IQCM: variants seen among roughly 807,000 people sequenced by gnomAD.
IQCM encodes IQ motif containing M.
IQCM carries 45 observed loss-of-function variants against 57.6 expected under a neutral mutation model. The ratio of observed to expected loss-of-function variants is 0.78; its 90% CI spans 0.62 to 1.00. The LOEUF is 1.00. Among genes scored for constraint, IQCM ranks in the 50% least tolerant of loss-of-function variants. The pLI is 0.00. For synonymous variants in IQCM, 148 were observed against 158.9 expected (o/e 0.93, Z 0.51); for missense variants, 468 against 511.6 (o/e 0.91, Z 0.82).
chr4:149,569,169 T>C (rs1297531513), intron 9 of IQCM, among the ~76,000 whole-genome samples: 1 of 152,200 alleles, frequency 6.6e-6, no homozygotes, highest in East Asian at 1.9e-4. Context: ...ATCATCATTG[T>C]TGCACAATAA....
intron 7 of IQCM, among the ~76,000 whole-genome samples, chr4:149,648,586 T>C (rs1758861366): frequency 6.6e-6 from 1 of 152,228 alleles, no homozygotes; most frequent in Non-Finnish European, 1.5e-5. Flanking sequence ...TCAAATGGTA[T>C]TTCTAGTTCT....
intron 2 of IQCM, among the ~76,000 whole-genome samples, chr4:149,760,270 A>G (rs1221705880): frequency 6.6e-6 from 1 of 152,192 alleles, no homozygotes; most frequent in Non-Finnish European, 1.5e-5. Flanking sequence ...TATACCAACA[A>G]GAAAGCCAAG....
intron 10 of IQCM, among the ~76,000 whole-genome samples, chr4:149,556,508 A>C (rs1749598696): frequency 6.6e-6 from 1 of 152,214 alleles, no homozygotes; most frequent in African/African-American, 2.4e-5. Context: ...ATAGACCTAT[A>C]AGAAGATATC....
At position 149,596,044 on chromosome 4, in the gene IQCM, T is replaced by C. The variant is rs1187454327; in HGVS notation, c.682-8047A>G. ...CTTATCTACCAGTCACTAGAGAAAA[T>C]TTCTTTAACCTTCACAAAAAATTAA... On this transcript the variant is annotated intron_variant, in intron 8 of 13. Transcript: ENST00000636793. Among the ~76,000 whole-genome samples the C allele has an allele frequency of 3.9e-5, 6 of 152,088 alleles. No homozygotes were observed. In the East Asian group the frequency reaches 5.8e-4, roughly 15 times the overall value.
chr4:149,371,679 A>C (rs1246162367), intron 13 of IQCM, among the ~76,000 whole-genome samples: 1 of 152,192 alleles, frequency 6.6e-6, no homozygotes, highest in African/African-American at 2.4e-5. Flanking sequence ...AATATGACCT[A>C]ACTGTCCCTG....
intron 10 of IQCM, among the ~76,000 whole-genome samples, chr4:149,557,375 T>C (rs1749693086): frequency 6.6e-6 from 1 of 152,196 alleles, no homozygotes; most frequent in Admixed American, 6.5e-5. Context: ...ATGTCCAATT[T>C]TGGGTAATTA....
chr4:149,667,744 A>G (rs1446051131), intron 7 of IQCM, among the ~76,000 whole-genome samples: 5 of 151,988 alleles, frequency 3.3e-5, no homozygotes, highest in Non-Finnish European at 7.4e-5. Context: ...AAATGACCTG[A>G]TGGAGCTGAA....
intron 12 of IQCM, among the ~76,000 whole-genome samples, chr4:149,450,552 T>C (rs1375548828): frequency 2.0e-5 from 3 of 151,688 alleles, no homozygotes; most frequent in South Asian, 2.1e-4. Flanking sequence ...GGTCAAAAGA[T>C]TTGAATAGAT....
chr4:149,357,016 G>A (rs1355211027), intron 13 of IQCM, among the ~76,000 whole-genome samples: 1 of 152,156 alleles, frequency 6.6e-6, no homozygotes, highest in Non-Finnish European at 1.5e-5. Flanking sequence ...AATTGTGAAT[G>A]GGAGTTCACT....
At chr4:149,573,525 G>A (rs971382082) in intron 9 of IQCM, among the ~76,000 whole-genome samples, 3 of 151,808 alleles carry the variant, frequency 2.0e-5, no homozygotes, top group South Asian at 2.1e-4. Flanking sequence ...ATAGGCTAGC[G>A]TTCACTGTGT....
At chr4:149,454,165 T>TAC (rs1274315113) in intron 12 of IQCM, among the ~76,000 whole-genome samples, 32 of 146,888 alleles carry the variant, frequency 2.2e-4, no homozygotes, top group African/African-American at 6.7e-4. Context: ...TATATATATA[T>TAC]ATACACACAC....
intron 12 of IQCM, among the ~76,000 whole-genome samples, chr4:149,535,082 A>C (rs1156886483): frequency 6.6e-6 from 1 of 152,084 alleles, no homozygotes; most frequent in East Asian, 1.9e-4. Context: ...AAAAATGTTC[A>C]TTACTAAATA....
intron 7 of IQCM, among the ~76,000 whole-genome samples, chr4:149,647,605 CT>C: frequency 6.6e-6 from 1 of 151,976 alleles, no homozygotes; most frequent in South Asian, 2.1e-4. Flanking sequence ...TTTTCTTATC[CT>C]TTTTCTTTTA....
intron 12 of IQCM, among the ~76,000 whole-genome samples, chr4:149,523,705 C>T (rs1171019351): frequency 6.6e-6 from 1 of 151,962 alleles, no homozygotes; most frequent in African/African-American, 2.4e-5. Flanking sequence ...AATTGATGAA[C>T]TGATTGGTTG....
chr4:149,781,849 T>G (rs1158102070), intron 2 of IQCM, among the ~76,000 whole-genome samples: 1 of 152,090 alleles, frequency 6.6e-6, no homozygotes, highest in African/African-American at 2.4e-5. Context: ...GAAAAGGTCA[T>G]GAAAAACCTC....
intron 12 of IQCM, among the ~76,000 whole-genome samples, chr4:149,477,821 G>C (rs1291303939): frequency 6.6e-6 from 1 of 152,056 alleles, no homozygotes; most frequent in Non-Finnish European, 1.5e-5. Context: ...GGGTATACTG[G>C]GGGGAAAAAT....
At chr4:149,442,964 AG>A (rs1205704566) in intron 12 of IQCM, among the ~76,000 whole-genome samples, 7 of 112,504 alleles carry the variant, frequency 6.2e-5, no homozygotes, top group African/African-American at 2.2e-4. Flanking sequence ...AGAGAGAGAG[AG>A]AGAGAGAGAG....
At chr4:149,407,897 T>G (rs1733097370) in intron 13 of IQCM, among the ~76,000 whole-genome samples, 2 of 152,162 alleles carry the variant, frequency 1.3e-5, no homozygotes, top group African/African-American at 4.8e-5. Context: ...AAAGGGTATT[T>G]CTATTTTTAG....
intron 12 of IQCM, among the ~76,000 whole-genome samples, chr4:149,475,739 A>T (rs535882924): frequency 5.3e-5 from 8 of 152,230 alleles, no homozygotes; most frequent in Non-Finnish European, 8.8e-5. Context: ...CAACAAAATT[A>T]AAAAAATATA....
Sources: gnomAD v4.1 joint callset for allele counts (sites outside exome capture counted in the v4.1 genomes callset) on GRCh38, gnomAD v4.1.1 for gene constraint, MANE v1.5 for transcripts, NCBI Gene and HGNC (gene_info 2026-07-23, HGNC 2026-07-21) for gene names.